Variants in SCIN observed in about 807,000 individuals in gnomAD.
The protein encoded by SCIN is scinderin.
In SCIN, 91 loss-of-function variants were observed where a neutral mutation model predicts 91.8. That is an observed-to-expected ratio of 0.99 (90% CI 0.84 to 1.18). The LOEUF (loss-of-function observed/expected upper bound fraction) is 1.18, where lower values mean the gene tolerates loss of function less well. Ranked by LOEUF, SCIN falls within the 50% of genes most tolerant of loss-of-function variation. SCIN has a pLI of 0.00. For synonymous variants in SCIN, 367 were observed against 312.6 expected (o/e 1.17, Z -1.84); for missense variants, 1,087 against 863.9 (o/e 1.26, Z -3.24).
intron 3 of SCIN, among the ~76,000 whole-genome samples, chr7:12,595,238 G>C (rs1782815987): frequency 6.6e-6 from 1 of 152,134 alleles, no homozygotes; most frequent in Non-Finnish European, 1.5e-5. Context: ...GGTTTATATG[G>C]GGCAGAGAGA....
intron 8 of SCIN, among the ~76,000 whole-genome samples, chr7:12,627,670 C>T (rs1583309089): frequency 1.3e-5 from 2 of 152,126 alleles, no homozygotes; most frequent in Admixed American, 1.3e-4. Flanking sequence ...GTGGGAAGTG[C>T]CAAGGGAGAA....
chr7:12,602,329 C>T (rs992223287), intron 3 of SCIN, among the ~76,000 whole-genome samples: 1 of 152,136 alleles, frequency 6.6e-6, no homozygotes, highest in African/African-American at 2.4e-5. Flanking sequence ...AGATCACATG[C>T]TTCTGAGGAA....
At chr7:12,601,876 A>G (rs1050334946) in intron 3 of SCIN, among the ~76,000 whole-genome samples, 6 of 152,110 alleles carry the variant, frequency 3.9e-5, no homozygotes, top group African/African-American at 1.4e-4. Context: ...GTATTTAAAC[A>G]TTTTTCTTAA....
At chr7:12,645,001 CAA>C (rs1260885837) in intron 13 of SCIN, among the ~76,000 whole-genome samples, 2 of 78,242 alleles carry the variant, frequency 2.6e-5, no homozygotes, top group Admixed American at 3.6e-4. Flanking sequence ...GCCTGGGCAA[CAA>C]GAGCAAAACT....
intron 7 of SCIN, 72 bp downstream of exon 7, chr7:12,625,922 T>C (rs1783512035): frequency 2.7e-6 from 3 of 1,122,130 alleles, no homozygotes; most frequent in Non-Finnish European, 2.6e-6. Flanking sequence ...ACGAAACTCA[T>C]GAAAAAGTTT....
Position 12,622,902 on chromosome 7 carries a change from A to G in SCIN, c.759+9A>G. The G allele has an allele frequency of 6.3e-7, 1 of 1,592,466 alleles. No homozygotes were observed. The highest frequency in any genetic ancestry group is 8.6e-7 in the Non-Finnish European group (1 of 1,161,758). On this transcript the variant is annotated intron_variant, in intron 5 of 15. Transcript: ENST00000297029. ...TGGCTAAACTATACATGGTGAGTTC[A>G]CTGTAACCAAATTTATTGTTTCAAC...
chr7:12,601,505 G>A (rs922557726), intron 3 of SCIN, among the ~76,000 whole-genome samples: 4 of 152,160 alleles, frequency 2.6e-5, no homozygotes, highest in African/African-American at 9.7e-5. Context: ...TAGATGAAAC[G>A]TGTGTGGGAG....
chr7:12,578,909 G>GTTTTTTTT lies in SCIN; in HGVS notation c.354+699_354+706dup. On this transcript the variant is annotated intron_variant, in intron 2 of 15. Coordinates refer to ENST00000297029, the MANE Select transcript of SCIN (RefSeq NM_001112706.3). The stretch of plus-strand genomic sequence containing the variant: ...TAAGGCAGCCTTCAGTATAGGACAG[G>GTTTTTTTT]TTTTTTTTTTTTTTTGGCATCCTCC... 1.0e-3 allele frequency among the ~76,000 whole-genome samples: 90 copies of GTTTTTTTT among 85,900 alleles called. 9 individuals are homozygous for GTTTTTTTT. The highest frequency in any genetic ancestry group is 7.2e-3 in the Middle Eastern group (1 of 138). 56.4% of individuals were successfully genotyped at this position (85,900 alleles called of 152,430 possible). A position where few individuals can be genotyped will look rare whatever the true frequency, so the allele number is the denominator to read the frequency against.
At chr7:12,613,806 T>G (rs2115261351) in intron 4 of SCIN, among the ~76,000 whole-genome samples, 1 of 152,320 alleles carries the variant, frequency 6.6e-6, no homozygotes, top group Non-Finnish European at 1.5e-5. Context: ...GGATGGTTTC[T>G]TCATGTAAAT....
In SCIN at chr7:12,592,165, G is replaced by C. The variant is rs73062658; in HGVS notation, c.516+10944G>C. ...ATAGGTTTTGGGAATCAGGGTGTAG[G>C]GAAATGGTAAAGAAGGCATCCTTCA... is the stretch of plus-strand genomic sequence containing the variant. On this transcript the variant is annotated intron_variant, in intron 3 of 15. Transcript: ENST00000297029. 8.4e-3 allele frequency among the ~76,000 whole-genome samples: 1,282 copies of C among 152,226 alleles called. 11 individuals carry two copies. The highest frequency in any genetic ancestry group is 0.012 in the Non-Finnish European group (812 of 68,014).
Position 12,625,829 on chromosome 7 carries a change from G to T in SCIN, c.960G>T (p.Met320Ile). ...MKTAEEFLQQ[M>I]NYSKNTQIQV... The stretch of plus-strand genomic sequence containing the variant: ...CAGCTGAAGAATTTCTACAGCAAAT[G>T]AATTATTCCAAGAATACCCAAGTAT... Residue 320 changes from methionine (M) to isoleucine (I), a missense_variant, in exon 7 of 16, where the codon ATG (methionine) becomes ATT (isoleucine). Transcript: ENST00000297029. 6.2e-7 allele frequency: 1 copy of T among 1,611,270 alleles called. No homozygotes were observed. Among genetic ancestry groups the T allele is most frequent in the South Asian group, 1.1e-5 (1 of 90,832 alleles).
intron 4 of SCIN, among the ~76,000 whole-genome samples, chr7:12,609,492 A>C (rs1783148041): frequency 1.3e-5 from 2 of 152,106 alleles, no homozygotes; most frequent in East Asian, 3.9e-4. Flanking sequence ...TCGTTTTGTA[A>C]ACATTAGGAG....
chr7:12,645,150 C>G (rs867117299), intron 13 of SCIN, among the ~76,000 whole-genome samples: 8 of 151,624 alleles, frequency 5.3e-5, no homozygotes, highest in African/African-American at 1.9e-4. Context: ...GAAACCCCCT[C>G]TCTACTAAAA....
At chr7:12,574,520 G>GCA in intron 1 of SCIN, among the ~76,000 whole-genome samples, 1 of 152,120 alleles carries the variant, frequency 6.6e-6, no homozygotes, top group East Asian at 1.9e-4. Context: ...AGAACTAAAT[G>GCA]CACACACACA....
rs989271714 is a variant in SCIN at position 12,604,764 on chromosome 7, G to T, written c.666+101G>T. On this transcript the variant is annotated intron_variant, in intron 4 of 15. Coordinates refer to ENST00000297029, the MANE Select transcript of SCIN (RefSeq NM_001112706.3). ...TAAGGCAGCAGGGTGGGGAAGAAGG[G>T]GAAAGAGATTCAACACATGTTTCAA... 21 of 997,138 alleles carry T rather than the reference G, an allele frequency of 2.1e-5. No homozygotes were observed. The South Asian group carries it at 4.2e-4, about 20-fold the overall frequency. 61.8% of individuals were successfully genotyped at this position (997,138 alleles called of 1,614,324 possible). A position where few individuals can be genotyped will look rare whatever the true frequency, so the allele number is the denominator to read the frequency against.
intron 3 of SCIN, among the ~76,000 whole-genome samples, chr7:12,582,358 T>C (rs932059561): frequency 2.0e-5 from 3 of 152,184 alleles, no homozygotes; most frequent in African/African-American, 7.2e-5. Context: ...TAAGCAATAT[T>C]AATCTAACAA....
At chr7:12,580,799 C>T (rs935817910) in intron 2 of SCIN, among the ~76,000 whole-genome samples, 2 of 152,198 alleles carry the variant, frequency 1.3e-5, no homozygotes, top group African/African-American at 4.8e-5. Context: ...GCGTTTTATA[C>T]ACTGAAGGTT....
Position 12,655,978 on chromosome 7 carries a change from G to A in SCIN, c.*3263G>A, listed in dbSNP as rs2115309827. 1 of 152,254 alleles carries A rather than the reference G, an allele frequency of 6.6e-6. No individual in the cohort carries two copies. The highest frequency in any genetic ancestry group is 1.9e-4 in the East Asian group (1 of 5,188). The allele number at this position is 152,254 out of a possible 1,614,324, so 9.4% of individuals were successfully genotyped here. A position where few individuals can be genotyped will look rare whatever the true frequency, so the allele number is the denominator to read the frequency against. On this transcript the variant is annotated 3_prime_UTR_variant, in exon 16 of 16. Coordinates refer to ENST00000297029, the MANE Select transcript of SCIN (RefSeq NM_001112706.3). ...TCATACTCAACTCAGTCAAACAGAG[G>A]TCCTGCATTTACCTCTTGGTGCCGG...
At position 12,636,097 on chromosome 7, in the gene SCIN, G is replaced by A. The variant is rs1463644766; in HGVS notation, c.1372G>A (p.Val458Ile). ...DELTTSAFLTVQLDRSLGGQA... is the reference protein window; with the variant it reads ...DELTTSAFLTIQLDRSLGGQA... ...GCTGACAACATCTGCGTTCCTGACT[G>A]TTCAGTTGGATCGGTCCCTTGGAGG... Residue 458 changes from valine to isoleucine, a missense_variant, in exon 10 of 16, where the codon GTT becomes ATT. Physicochemically the swap from Val to Ile is conservative, Grantham distance 29. Transcript: ENST00000297029. 1.2e-6 allele frequency: 2 copies of A among 1,613,062 alleles called. No homozygotes were observed. Among genetic ancestry groups the A allele is most frequent in the South Asian group, 1.1e-5 (1 of 90,786 alleles).
Sources: allele counts gnomAD v4.1 joint callset (sites outside exome capture counted in the v4.1 genomes callset), GRCh38; gene constraint gnomAD v4.1.1; transcripts MANE v1.5; gene names NCBI Gene and HGNC (gene_info 2026-07-23, HGNC 2026-07-21).